LYRM4: variants seen among roughly 807,000 people sequenced by gnomAD.
The protein encoded by LYRM4 is LYR motif containing 4, also known as LYR motif-containing protein 4.
In LYRM4, 9 loss-of-function variants were observed where a neutral mutation model predicts 11.7. That is an observed-to-expected ratio of 0.77 (90% confidence interval 0.46 to 1.34). The LOEUF (loss-of-function observed/expected upper bound fraction) is 1.34, where lower values mean the gene tolerates loss of function less well. Ranked by LOEUF, LYRM4 falls within the 40% of genes most tolerant of loss-of-function variation. The pLI is 0.00. For synonymous variants in LYRM4, 42 were observed against 40.4 expected (o/e 1.04, Z -0.15); for missense variants, 133 against 112.5 (o/e 1.18, Z -0.82).
rs1760016290 is a variant in LYRM4 at position 5,180,636 on chromosome 6, G to A, written c.207+35982C>T. On this transcript the variant is annotated intron_variant, in intron 2 of 2. Transcript: ENST00000330636. ...TCCTCAACATGATCTCTGGTTCGTT[G>A]GTTCCTCCTATTTTCCTGGCCCAGA... is the stretch of plus-strand genomic sequence containing the variant. 1.3e-5 allele frequency among the ~76,000 whole-genome samples: 2 copies of A among 152,196 alleles called. 1 individual carries two copies. The highest frequency in any genetic ancestry group is 4.1e-4 in the South Asian group (2 of 4,832).
chr6:5,077,681 A>G, the LYRM4 span, among the ~76,000 whole-genome samples: 1 of 152,232 alleles, frequency 6.6e-6, no homozygotes, highest in South Asian at 2.1e-4. Flanking sequence ...GAATTAATAG[A>G]TAGAAAGTCA....
At chr6:5,067,018 G>C in the LYRM4 span, 1 of 630,786 alleles carries the variant, frequency 1.6e-6, no homozygotes, top group Non-Finnish European at 2.4e-6. Flanking sequence ...AGGATTACCG[G>C]GGGTTGCTAC....
the LYRM4 span, chr6:5,087,702 G>A: frequency 6.6e-6 from 1 of 152,352 alleles, no homozygotes; most frequent in African/African-American, 2.4e-5. Flanking sequence ...CATGCCCAGC[G>A]AGTCAGTGCT....
chr6:5,085,715 G>A, the LYRM4 span: 43 of 1,545,666 alleles, frequency 2.8e-5, no homozygotes, highest in Non-Finnish European at 3.8e-5. Context: ...CTGGAATGCC[G>A]CCGCCGCTGC....
chr6:5,242,357 C>A (rs1040704054), intron 1 of LYRM4, among the ~76,000 whole-genome samples: 1 of 146,946 alleles, frequency 6.8e-6, no homozygotes, highest in African/African-American at 2.6e-5. Context: ...CAGGCGTGAG[C>A]CACTGCGCCC....
At chr6:5,219,016 G>T (rs1762434106) in intron 1 of LYRM4, among the ~76,000 whole-genome samples, 1 of 152,008 alleles carries the variant, frequency 6.6e-6, no homozygotes, top group African/African-American at 2.4e-5. Context: ...AGGCAAAATT[G>T]GTTTATAACA....
At chr6:5,129,998 C>A (rs11242993) in intron 2 of LYRM4, among the ~76,000 whole-genome samples, 1 of 152,122 alleles carries the variant, frequency 6.6e-6, no homozygotes, top group East Asian at 1.9e-4. Context: ...GCTTTTCTTA[C>A]AGATTATGTT....
chr6:5,141,751 C>A (rs941972242), intron 2 of LYRM4, among the ~76,000 whole-genome samples: 1 of 152,108 alleles, frequency 6.6e-6, no homozygotes, highest in African/African-American at 2.4e-5. Flanking sequence ...TACCCCCCCA[C>A]CAAACTGAAC....
At chr6:5,087,564 A>G in the LYRM4 span, 1 of 152,434 alleles carries the variant, frequency 6.6e-6, no homozygotes, top group South Asian at 2.1e-4. Context: ...TTGCCGGGCC[A>G]TTAGCAGTCA....
At chr6:5,061,092 A>T in the LYRM4 span, among the ~76,000 whole-genome samples, 15,682 of 152,260 alleles carry the variant, frequency 0.1, 970 homozygotes, top group Admixed American at 0.16. Flanking sequence ...GAGGCTGGCC[A>T]TGCAGGTCAC....
chr6:5,109,092 A>C lies in LYRM4; in HGVS notation c.*331T>G. 9.2e-7 allele frequency: 1 copy of C among 1,090,024 alleles called. No individual in the cohort carries two copies. Among genetic ancestry groups the C allele is most frequent in the Non-Finnish European group, 1.1e-6 (1 of 894,090 alleles). The allele number at this position is 1,090,024 out of a possible 1,614,324, so 67.5% of individuals were successfully genotyped here. On this transcript the variant is annotated 3_prime_UTR_variant, in exon 3 of 3. Transcript: ENST00000330636. The stretch of plus-strand genomic sequence containing the variant: ...AAGGCTCAGGGAGATCATTCTTTTT[A>C]TTGCCAAGGACCAAGAAACAAAGTG...
chr6:5,098,936 C>T (rs918337447), downstream of LYRM4, among the ~76,000 whole-genome samples: 31 of 152,122 alleles, frequency 2.0e-4, no homozygotes, highest in Non-Finnish European at 3.8e-4. Context: ...ATCTGGTTGC[C>T]GAGAGGACTT....
chr6:5,246,927 G>C (rs1056344067), intron 1 of LYRM4, among the ~76,000 whole-genome samples: 3 of 152,134 alleles, frequency 2.0e-5, no homozygotes, highest in Admixed American at 6.5e-5. Context: ...GTGCAAAGAG[G>C]GAAATGGGTG....
chr6:5,051,966 C>T, the LYRM4 span, among the ~76,000 whole-genome samples: 1 of 152,160 alleles, frequency 6.6e-6, no homozygotes, highest in African/African-American at 2.4e-5. Context: ...CTCCCTGTGA[C>T]TGTGTGGGTA....
At chr6:5,095,707 G>A in the LYRM4 span, among the ~76,000 whole-genome samples, 1 of 152,242 alleles carries the variant, frequency 6.6e-6, no homozygotes, top group Non-Finnish European at 1.5e-5. Context: ...GCTGGGCGTG[G>A]TGGCTCACAC....
At chr6:5,072,624 G>A in the LYRM4 span, among the ~76,000 whole-genome samples, 1 of 150,516 alleles carries the variant, frequency 6.6e-6, no homozygotes, top group African/African-American at 2.5e-5. Flanking sequence ...CGTTGCCCAG[G>A]CTGGAGTTCA....
At chr6:5,138,779 C>T (rs1415724040) in intron 2 of LYRM4, 2 of 1,433,074 alleles carry the variant, frequency 1.4e-6, no homozygotes, top group South Asian at 2.5e-5. Context: ...TTAAGAGTAA[C>T]AGTTAACAGA....
At chr6:5,214,357 T>C (rs924761652) in intron 2 of LYRM4, among the ~76,000 whole-genome samples, 2 of 151,932 alleles carry the variant, frequency 1.3e-5, no homozygotes, top group African/African-American at 4.8e-5. Flanking sequence ...TGCACAAGCA[T>C]TGAGATGGGA....
In LYRM4 at chr6:5,233,872, A is replaced by G. The variant is rs2773293; in HGVS notation, c.87-17134T>C. On this transcript the variant is annotated intron_variant, in intron 1 of 2. Coordinates refer to ENST00000330636, the MANE Select transcript of LYRM4 (RefSeq NM_020408.6). ...TCTCCCAAATGGTCCCAGACCATAC[A>G]GATCCCTGTGCTGGGTCACGGTCAT... is the stretch of plus-strand genomic sequence containing the variant. Among the ~76,000 whole-genome samples the G allele has an allele frequency of 7.9e-3, 1,208 of 152,362 alleles. 17 individuals are homozygous for G. Among genetic ancestry groups the G allele is most frequent in the East Asian group, 0.031 (163 of 5,182 alleles).
Sources: allele counts gnomAD v4.1 joint callset (sites outside exome capture counted in the v4.1 genomes callset), GRCh38; gene constraint gnomAD v4.1.1; transcripts MANE v1.5; gene names NCBI Gene and HGNC (gene_info 2026-07-23, HGNC 2026-07-21).